Variants in RUFY2 observed in about 807,000 individuals in gnomAD.
The protein encoded by RUFY2 is RUN and FYVE domain-containing protein 2.
RUFY2 carries 49 observed loss-of-function variants against 94.4 expected under a neutral mutation model. That is an observed-to-expected ratio of 0.52 (90% CI 0.41 to 0.66). RUFY2 has a LOEUF of 0.66. Among genes scored for constraint, RUFY2 ranks in the 30% least tolerant of loss-of-function variants. RUFY2 has a pLI of 0.00. For synonymous variants in RUFY2, 255 were observed against 235.7 expected (o/e 1.08, Z -0.75); for missense variants, 541 against 692.8 (o/e 0.78, Z 2.46).
At chr10:68,401,926 T>G (rs2050879828) in intron 2 of RUFY2, among the ~76,000 whole-genome samples, 189 bp from the exon 3 acceptor site, 1 of 152,136 alleles carries the variant, frequency 6.6e-6, no homozygotes, top group South Asian at 2.1e-4. Context: ...ATCCTGCTAT[T>G]TTTTTCCACA....
intron 8 of RUFY2, 99 bp from the exon 9 acceptor site, chr10:68,384,251 C>G (rs1184639991): frequency 3.6e-6 from 5 of 1,386,936 alleles, no homozygotes; most frequent in Non-Finnish European, 4.7e-6. Flanking sequence ...AATAAAATCT[C>G]ACAACTAGCA....
chr10:68,363,695 A>G lies in RUFY2; in HGVS notation c.1456-11T>C. On this transcript the variant is annotated splice_polypyrimidine_tract_variant and intron_variant, in intron 14 of 17. Coordinates refer to ENST00000602465, the MANE Select transcript of RUFY2 (RefSeq NM_001330103.2). ...GAGGTTAAGGAACTCCTTCAGAACA[A>G]TAAAAGACAGAAAATGAAATTTAAA... 2 of 1,495,744 alleles carry G rather than the reference A, an allele frequency of 1.3e-6. No individual in the cohort carries two copies. Among genetic ancestry groups the G allele is most frequent in the Non-Finnish European group, 1.8e-6 (2 of 1,102,062 alleles). The allele number at this position is 1,495,744 out of a possible 1,614,324, so 92.7% of individuals were successfully genotyped here.
chr10:68,382,127 C>A (rs1196410030), intron 10 of RUFY2, among the ~76,000 whole-genome samples: 1 of 151,354 alleles, frequency 6.6e-6, no homozygotes, highest in Admixed American at 6.6e-5. Context: ...TGGCCCACTG[C>A]AAGCTCCGCC....
intron 6 of RUFY2, chr10:68,393,849 G>A (rs2050179699): frequency 3.4e-6 from 3 of 876,440 alleles, no homozygotes; most frequent in African/African-American, 3.6e-5. Flanking sequence ...GTAACTACAG[G>A]TATAACCAAA....
At chr10:68,366,863 TTAAA>T (rs34066153) in intron 13 of RUFY2, among the ~76,000 whole-genome samples, 8,224 of 140,298 alleles carry the variant, frequency 0.059, 320 homozygotes, top group African/African-American at 0.1. Context: ...AATAAATATA[TTAAA>T]TAAATATATA....
At chr10:68,341,975 A>G, downstream of RUFY2, 1 of 1,613,610 alleles carries the variant, frequency 6.2e-7, no homozygotes, top group East Asian at 2.2e-5. Flanking sequence ...TCTTTTTCTT[A>G]AGGCCGTGGT....
intron 16 of RUFY2, among the ~76,000 whole-genome samples, chr10:68,354,456 A>AC (rs1377360470): frequency 1.3e-5 from 2 of 152,054 alleles, no homozygotes; most frequent in African/African-American, 4.8e-5. Context: ...GAACCACCAC[A>AC]CCCAGTATCA....
intron 16 of RUFY2, among the ~76,000 whole-genome samples, chr10:68,351,785 G>A (rs1025965978): frequency 2.7e-5 from 4 of 150,064 alleles, no homozygotes; most frequent in Admixed American, 2.0e-4. Flanking sequence ...GGCCTGGCAA[G>A]GTGGCTCACG....
intron 3 of RUFY2, among the ~76,000 whole-genome samples, chr10:68,398,316 A>C (rs972631833): frequency 6.6e-6 from 1 of 152,096 alleles, no homozygotes; most frequent in Admixed American, 6.6e-5. Context: ...CATTTAAGAA[A>C]TTAAATCTCA....
chr10:68,405,621 C>A, intron 1 of RUFY2: 1 of 835,028 alleles, frequency 1.2e-6, no homozygotes, highest in Non-Finnish European at 1.4e-6. Flanking sequence ...AGTTAAAATT[C>A]TAGGATTCCA....
At chr10:68,398,126 C>CAAAA (rs377600173) in intron 3 of RUFY2, among the ~76,000 whole-genome samples, 3 of 65,038 alleles carry the variant, frequency 4.6e-5, no homozygotes, top group African/African-American at 1.4e-4. Context: ...GATTTGTTCT[C>CAAAA]AAAAAAAAAA....
At chr10:68,346,269 G>C (rs542361704) in intron 16 of RUFY2, 185 bp from the exon 17 acceptor site, 1 of 555,960 alleles carries the variant, frequency 1.8e-6, no homozygotes, top group Non-Finnish European at 3.1e-6. Flanking sequence ...TCTGGGTTGG[G>C]GAGGTGGGAT....
chr10:68,348,510 T>G (rs536213151), intron 16 of RUFY2, among the ~76,000 whole-genome samples: 40 of 144,700 alleles, frequency 2.8e-4, no homozygotes, highest in African/African-American at 9.9e-4. Flanking sequence ...GAGGAAACTC[T>G]GTCTCTGAGG....
intron 7 of RUFY2, among the ~76,000 whole-genome samples, chr10:68,388,610 G>A (rs1021767386): frequency 3.3e-5 from 5 of 152,112 alleles, no homozygotes; most frequent in Non-Finnish European, 5.9e-5. Flanking sequence ...GCCACAGTGG[G>A]TGGATGGCCT....
intron 16 of RUFY2, among the ~76,000 whole-genome samples, chr10:68,351,122 A>ATTTTTTTTTTTT (rs71009048): frequency 1.3e-5 from 1 of 79,000 alleles, no homozygotes; most frequent in Non-Finnish European, 2.2e-5. Flanking sequence ...GTATCCATAC[A>ATTTTTTTTTTTT]TTTTTTTTTT....
At chr10:68,341,548 C>T (rs766317448), downstream of RUFY2, 51 of 1,369,476 alleles carry the variant, frequency 3.7e-5, no homozygotes, top group South Asian at 7.4e-5. Context: ...ATCCATCATT[C>T]CTTTCTCCCC....
rs75580318 is a variant in RUFY2, at chr10:68,351,122, A to T, written c.1599+4231T>A. Among the ~76,000 whole-genome samples the T allele has an allele frequency of 1.7e-3, 134 of 79,032 alleles. 1 individual carries two copies. The highest frequency in any genetic ancestry group is 6.8e-3 in the African/African-American group (126 of 18,660). The allele number at this position is 79,032 out of a possible 152,430, so 51.8% of individuals were successfully genotyped here. A position where few individuals can be genotyped will look rare whatever the true frequency, so the allele number is the denominator to read the frequency against. Reference sequence around the variant, plus strand: ...TTGGCAAATATCCATGTATCCATACATTTTTTTTTTTTTTTTTTTTTTTTT... The same window carrying T: ...TTGGCAAATATCCATGTATCCATACTTTTTTTTTTTTTTTTTTTTTTTTTT... On this transcript the variant is annotated intron_variant, in intron 16 of 17. Transcript: ENST00000602465.
chr10:68,366,491 C>T (rs550581166), intron 13 of RUFY2, among the ~76,000 whole-genome samples: 132 of 150,878 alleles, frequency 8.7e-4, no homozygotes, highest in African/African-American at 3.0e-3. Flanking sequence ...GCCTGTAACT[C>T]CAGCACTTTG....
At chr10:68,341,971 T>C, downstream of RUFY2, 1 of 1,613,784 alleles carries the variant, frequency 6.2e-7, no homozygotes, top group Non-Finnish European at 8.5e-7. Context: ...AATATCTTTT[T>C]CTTAAGGCCG....
Sources: gnomAD v4.1 joint callset for allele counts (sites outside exome capture counted in the v4.1 genomes callset) on GRCh38, gnomAD v4.1.1 for gene constraint, MANE v1.5 for transcripts, NCBI Gene and HGNC (gene_info 2026-07-23, HGNC 2026-07-21) for gene names.